Variants in TRAIP observed in about 807,000 individuals in gnomAD.
The protein encoded by TRAIP is TRAF interacting protein, also known as E3 ubiquitin-protein ligase TRAIP.
A neutral mutation model predicts 65.0 loss-of-function variants in TRAIP; 37 were observed. The ratio of observed to expected loss-of-function variants is 0.57; its 90% CI spans 0.44 to 0.75. The LOEUF is 0.75. Among genes scored for constraint, TRAIP ranks in the 30% least tolerant of loss-of-function variants. The pLI is 0.00. For missense variants in TRAIP, 481 were observed against 579.4 expected (o/e 0.83, Z 1.74); for synonymous variants, 187 against 219.1 (o/e 0.85, Z 1.29).
intron 11 of TRAIP, 101 bp from the exon 12 acceptor site, chr3:49,830,169 G>C (rs1285079077): frequency 1.5e-6 from 2 of 1,309,400 alleles, no homozygotes. Context: ...ATGTGGCACT[G>C]CTGCTGCCAT....
chr3:49,841,136 C>A, intron 7 of TRAIP, 64 bp from the exon 8 acceptor site: 2 of 1,390,872 alleles, frequency 1.4e-6, no homozygotes, highest in Non-Finnish European at 2.0e-6. Context: ...TGAGCCACAG[C>A]ACTAATCTAA....
intron 1 of TRAIP, among the ~76,000 whole-genome samples, chr3:49,848,682 T>A (rs947297852): frequency 3.3e-5 from 5 of 152,162 alleles, no homozygotes; most frequent in African/African-American, 9.7e-5. Flanking sequence ...TAATCTACTG[T>A]ACATTTTAAA....
At chr3:49,837,442 A>C (rs990026585) in intron 10 of TRAIP, among the ~76,000 whole-genome samples, 1 of 152,062 alleles carries the variant, frequency 6.6e-6, no homozygotes, top group Non-Finnish European at 1.5e-5. Flanking sequence ...CAGCCTGGGC[A>C]ACAGAATGAG....
chr3:49,855,435 C>A (rs753056502), intron 1 of TRAIP, among the ~76,000 whole-genome samples: 1 of 151,946 alleles, frequency 6.6e-6, no homozygotes, highest in Non-Finnish European at 1.5e-5. Context: ...ACGACAGGAG[C>A]GAGACTCCAT....
chr3:49,852,466 C>T (rs554047391), intron 1 of TRAIP, among the ~76,000 whole-genome samples: 45 of 149,392 alleles, frequency 3.0e-4, no homozygotes, highest in African/African-American at 1.0e-3. Context: ...AAAGAAATTG[C>T]TCCACACGGC....
intron 6 of TRAIP, 40 bp downstream of exon 6, chr3:49,842,412 TG>T (rs1559449053): frequency 1.3e-6 from 2 of 1,595,090 alleles, no homozygotes; most frequent in Middle Eastern, 1.7e-4. Flanking sequence ...TTGCAGGCCC[TG>T]GGGGCAAAGG....
chr3:49,829,513 G>A lies in TRAIP; in HGVS notation c.1237-5C>T. On this transcript the variant is annotated splice_polypyrimidine_tract_variant and splice_region_variant and intron_variant, in intron 13 of 14. Transcript: ENST00000331456. ...CCCATCGAAGCCTGTCCTTACCTAGGGTGGAAGGAAGAGATGAGTGGGCCA... is the reference window on the plus strand; with the variant it reads ...CCCATCGAAGCCTGTCCTTACCTAGAGTGGAAGGAAGAGATGAGTGGGCCA... 8 of 1,614,146 alleles carry A rather than the reference G, an allele frequency of 5.0e-6. No homozygotes were observed. The highest frequency in any genetic ancestry group is 6.8e-6 in the Non-Finnish European group (8 of 1,180,034).
Position 49,843,879 on chromosome 3 carries a change from C to T in TRAIP, c.330G>A (p.Thr110=), listed in dbSNP as rs770188232. The T allele has an allele frequency of 1.7e-5, 27 of 1,613,596 alleles. No homozygotes were observed. The highest frequency in any genetic ancestry group is 3.3e-4 in the Middle Eastern group (2 of 6,082). ...SQVIIDTLRD[T]LEERNATVVS... is the part of the protein sequence containing the mutation. ...CCACAGTAGCATTGCGTTCTTCCAG[C>T]GTATCCCGCAGAGTGTCGATGATGA... is the stretch of plus-strand genomic sequence containing the variant. Residue 110 remains threonine (T), a synonymous_variant, in exon 5 of 15, where the codon ACG becomes ACA. Transcript: ENST00000331456.
At chr3:49,833,696 G>A (rs1575390694) in intron 10 of TRAIP, among the ~76,000 whole-genome samples, 2 of 152,206 alleles carry the variant, frequency 1.3e-5, no homozygotes, top group South Asian at 4.2e-4. Flanking sequence ...AGCCAGGATG[G>A]TCTCGCTCTC....
intron 10 of TRAIP, 79 bp from the exon 11 acceptor site, chr3:49,832,147 T>G (rs1021570328): frequency 1.4e-6 from 2 of 1,431,384 alleles, no homozygotes; most frequent in African/African-American, 1.5e-5. Flanking sequence ...CAGAGATAAC[T>G]CAGCTCCAGG....
rs567074580 is a variant in TRAIP, at chr3:49,850,762, C to T, written c.99-2562G>A. ...CTCCACCTCCCAGGTTCAAGCAATT[C>T]TCCTGCCTCAGCCTCCCGAGTAGCT... On this transcript the variant is annotated intron_variant, in intron 1 of 14. Coordinates refer to ENST00000331456, the MANE Select transcript of TRAIP (RefSeq NM_005879.3). Among the ~76,000 whole-genome samples the T allele has an allele frequency of 1.8e-3, 256 of 140,256 alleles. 3 individuals are homozygous for T. Among genetic ancestry groups the T allele is most frequent in the African/African-American group, 6.1e-3 (228 of 37,382 alleles). The allele number at this position is 140,256 out of a possible 152,430, so 92.0% of individuals were successfully genotyped here.
intron 10 of TRAIP, among the ~76,000 whole-genome samples, chr3:49,839,516 C>G (rs1010485030): frequency 2.0e-5 from 3 of 152,208 alleles, no homozygotes; most frequent in African/African-American, 7.2e-5. Flanking sequence ...AACAGGATGC[C>G]CCAAGACAGT....
At chr3:49,855,052 A>G (rs1181709692) in intron 1 of TRAIP, among the ~76,000 whole-genome samples, 1 of 151,916 alleles carries the variant, frequency 6.6e-6, no homozygotes, top group African/African-American at 2.4e-5. Flanking sequence ...TAACAGAGTG[A>G]GACCCTGTCT....
At chr3:49,836,569 C>T (rs1490369943) in intron 10 of TRAIP, among the ~76,000 whole-genome samples, 1 of 152,084 alleles carries the variant, frequency 6.6e-6, no homozygotes, top group Non-Finnish European at 1.5e-5. Flanking sequence ...CGGTGGCTCA[C>T]GCCTGTAACC....
intron 10 of TRAIP, among the ~76,000 whole-genome samples, chr3:49,832,714 G>GT (rs2081746802): frequency 5.1e-5 from 6 of 117,554 alleles, no homozygotes; most frequent in Non-Finnish European, 7.4e-5. Flanking sequence ...GGGGGGGGGG[G>GT]GGTGGGGGGT....
chr3:49,845,865 G>A (rs2081877899), intron 3 of TRAIP, among the ~76,000 whole-genome samples: 1 of 152,196 alleles, frequency 6.6e-6, no homozygotes. Context: ...CTTGCTCTAA[G>A]CACAAAAGCT....
At chr3:49,832,121 A>G in intron 10 of TRAIP, 53 bp from the exon 11 acceptor site, 1 of 1,493,878 alleles carries the variant, frequency 6.7e-7, no homozygotes, top group Non-Finnish European at 8.9e-7. Context: ...ACCCAGGACA[A>G]CAGCTCCTGA....
chr3:49,841,712 G>T, intron 7 of TRAIP, 114 bp downstream of exon 7: 1 of 755,030 alleles, frequency 1.3e-6, no homozygotes, highest in Non-Finnish European at 2.2e-6. Flanking sequence ...AGGCAGCATG[G>T]CTCCAGAGTT....
intron 11 of TRAIP, among the ~76,000 whole-genome samples, 178 bp from the exon 12 acceptor site, chr3:49,830,246 G>C (rs1158628235): frequency 6.6e-6 from 1 of 152,220 alleles, no homozygotes; most frequent in Admixed American, 6.5e-5. Context: ...CAGCTGGACA[G>C]CCACAGCCAG....
Sources: allele counts gnomAD v4.1 joint callset (sites outside exome capture counted in the v4.1 genomes callset), GRCh38; gene constraint gnomAD v4.1.1; transcripts MANE v1.5; gene names NCBI Gene and HGNC (gene_info 2026-07-23, HGNC 2026-07-21).